Variants in RGS6 observed in about 807,000 individuals in gnomAD.
RGS6 encodes regulator of G-protein signaling 6.
RGS6 carries 30 observed loss-of-function variants against 78.5 expected under a neutral mutation model. The ratio of observed to expected loss-of-function variants is 0.38; its 90% CI spans 0.29 to 0.52. RGS6 has a LOEUF of 0.52. Among genes scored for constraint, RGS6 ranks in the 20% least tolerant of loss-of-function variants. The pLI is 0.85. For missense variants in RGS6, 495 were observed against 609.7 expected (o/e 0.81, Z 1.98); for synonymous variants, 206 against 206.0 (o/e 1.00, Z 0.00).
At chr14:72,317,642 T>C (rs1595728019) in intron 2 of RGS6, among the ~76,000 whole-genome samples, 1 of 152,158 alleles carries the variant, frequency 6.6e-6, no homozygotes, top group Non-Finnish European at 1.5e-5. Context: ...ATTTGTAAAA[T>C]GGCCATTGTA....
rs577498426 is a variant in RGS6, at chr14:71,996,030, C to T, written c.84+31155C>T. 2.3e-3 allele frequency among the ~76,000 whole-genome samples: 347 copies of T among 152,172 alleles called. 1 individual carries two copies. The highest frequency in any genetic ancestry group is 8.2e-3 in the African/African-American group (341 of 41,490). On this transcript the variant is annotated intron_variant, in intron 2 of 17. Coordinates refer to ENST00000553525, the MANE Select transcript of RGS6 (RefSeq NM_001204424.2). ...GGCCTCCCGAGGCCTTCCGAGTCAC[C>T]GGGGGATCCCTCTAATTAGGTACAC...
the RGS6 span, among the ~76,000 whole-genome samples, chr14:72,602,886 T>G: frequency 6.6e-6 from 1 of 152,184 alleles, no homozygotes; most frequent in African/African-American, 2.4e-5. Flanking sequence ...CAGTCCTTGA[T>G]TCTAGTCCCT....
At chr14:71,873,713 G>A in the RGS6 span, among the ~76,000 whole-genome samples, 1 of 152,128 alleles carries the variant, frequency 6.6e-6, no homozygotes, top group Admixed American at 6.5e-5. Context: ...TGAAGTCCTT[G>A]CCCATGCCTA....
chr14:72,206,754 A>C (rs73299149), intron 2 of RGS6, among the ~76,000 whole-genome samples: 2 of 152,120 alleles, frequency 1.3e-5, no homozygotes, highest in African/African-American at 4.8e-5. Context: ...CCCATAATTC[A>C]ATCATCTCCC....
chr14:72,559,652 A>G (rs1331489462), intron 17 of RGS6, among the ~76,000 whole-genome samples: 2 of 152,192 alleles, frequency 1.3e-5, no homozygotes. Context: ...GGTTGGGAAC[A>G]ATCCCAAGGG....
the RGS6 span, chr14:72,595,256 T>A: frequency 7.2e-5 from 11 of 152,152 alleles, no homozygotes; most frequent in African/African-American, 2.4e-4. Context: ...GTCATATGCA[T>A]CCTCAGGTCA....
At chr14:72,001,707 A>T (rs12586947) in intron 2 of RGS6, among the ~76,000 whole-genome samples, 3 of 151,812 alleles carry the variant, frequency 2.0e-5, no homozygotes, top group African/African-American at 4.8e-5. Context: ...ATGCTAGAAG[A>T]GATAACTTGA....
At chr14:72,135,072 C>T (rs1374301050) in intron 2 of RGS6, among the ~76,000 whole-genome samples, 1 of 152,174 alleles carries the variant, frequency 6.6e-6, no homozygotes, top group Non-Finnish European at 1.5e-5. Context: ...ATAAAATTAA[C>T]CATCACAATA....
chr14:71,976,559 G>A (rs904252778), intron 2 of RGS6, among the ~76,000 whole-genome samples: 6,914 of 151,916 alleles, frequency 0.046, 192 homozygotes, highest in South Asian at 0.067. Context: ...ATGATTTCCA[G>A]TTTCATCCAT....
At chr14:72,580,576 A>G in the RGS6 span, among the ~76,000 whole-genome samples, 60,117 of 152,044 alleles carry the variant, frequency 0.4, 12,427 homozygotes, top group Non-Finnish European at 0.44. Flanking sequence ...AGGAGAAAGG[A>G]AGGTGACACC....
intron 2 of RGS6, among the ~76,000 whole-genome samples, chr14:72,084,640 C>T (rs2094952479): frequency 6.6e-6 from 1 of 152,168 alleles, no homozygotes; most frequent in Admixed American, 6.5e-5. Flanking sequence ...CTAGAGTTAG[C>T]ATTTGCTCAT....
intron 2 of RGS6, among the ~76,000 whole-genome samples, chr14:72,206,334 A>G (rs918924831): frequency 6.6e-6 from 1 of 152,184 alleles, no homozygotes; most frequent in Non-Finnish European, 1.5e-5. Context: ...ATGTATTCAC[A>G]TGGAAAGATG....
intron 3 of RGS6, among the ~76,000 whole-genome samples, chr14:72,416,251 G>C (rs2093802937): frequency 1.3e-5 from 2 of 151,970 alleles, no homozygotes; most frequent in African/African-American, 4.8e-5. Flanking sequence ...GTTTAACAGA[G>C]CTCTATATGC....
rs543516803 is a variant in RGS6, at chr14:72,410,510, C to T, written c.185-44018C>T. Among the ~76,000 whole-genome samples the T allele has an allele frequency of 3.0e-3, 452 of 152,290 alleles. 1 individual carries two copies. Among genetic ancestry groups the T allele is most frequent in the African/African-American group, 5.7e-3 (236 of 41,560 alleles). ...TAGGTTGCAAACATTTTCTCCCATT[C>T]TGTAGGTTGCCTGTTCACTCTGATG... On this transcript the variant is annotated intron_variant, in intron 3 of 17. Coordinates refer to ENST00000553525, the MANE Select transcript of RGS6 (RefSeq NM_001204424.2).
At chr14:72,314,483 T>A (rs1158868187) in intron 2 of RGS6, among the ~76,000 whole-genome samples, 1 of 151,936 alleles carries the variant, frequency 6.6e-6, no homozygotes, top group East Asian at 1.9e-4. Flanking sequence ...ACTGTGGGAG[T>A]TTCTAGCTAT....
intron 2 of RGS6, among the ~76,000 whole-genome samples, chr14:72,040,606 A>G (rs2092309637): frequency 6.6e-6 from 1 of 152,094 alleles, no homozygotes. Context: ...CTTCAGGTTC[A>G]TCCTAGTTGG....
chr14:71,943,211 A>G (rs2090928067), intron 1 of RGS6, among the ~76,000 whole-genome samples: 1 of 152,190 alleles, frequency 6.6e-6, no homozygotes, highest in South Asian at 2.1e-4. Flanking sequence ...GGAGCACAAC[A>G]GGCATTTTAA....
intron 2 of RGS6, among the ~76,000 whole-genome samples, chr14:72,152,518 C>A (rs1407131172): frequency 1.3e-5 from 2 of 152,180 alleles, no homozygotes; most frequent in Non-Finnish European, 2.9e-5. Flanking sequence ...AATAGGGTTT[C>A]TGGCTTCCTG....
intron 2 of RGS6, among the ~76,000 whole-genome samples, chr14:72,185,023 G>A (rs905927515): frequency 2.0e-5 from 3 of 152,140 alleles, no homozygotes; most frequent in Non-Finnish European, 4.4e-5. Context: ...CAGTGTGCCC[G>A]AAGGCCCAAG....
Sources: allele counts gnomAD v4.1 joint callset (sites outside exome capture counted in the v4.1 genomes callset), GRCh38; gene constraint gnomAD v4.1.1; transcripts MANE v1.5; gene names NCBI Gene and HGNC (gene_info 2026-07-23, HGNC 2026-07-21).